The following ELMO1 variants were observed in gnomAD, a reference collection of about 807,000 sequenced individuals.
The protein encoded by ELMO1 is engulfment and cell motility 1, also known as engulfment and cell motility protein 1.
ELMO1 carries 26 observed loss-of-function variants against 98.9 expected under a neutral mutation model. The ratio of observed to expected loss-of-function variants is 0.26; its 90% CI spans 0.19 to 0.36. The LOEUF is 0.36. Among genes scored for constraint, ELMO1 ranks in the 10% least tolerant of loss-of-function variants. The pLI is 1.00. For missense variants in ELMO1, 627 were observed against 935.2 expected, an observed-to-expected ratio of 0.67 and a Z score of 4.30; for synonymous variants, 346 against 346.0, an observed-to-expected ratio of 1.00 and a Z score of 0.00.
intron 16 of ELMO1, among the ~76,000 whole-genome samples, chr7:36,924,866 G>C: frequency 6.6e-6 from 1 of 152,148 alleles, no homozygotes; most frequent in African/African-American, 2.4e-5. Flanking sequence ...CTTTGGGAAA[G>C]GTTGTGTTTT....
At chr7:36,856,978 C>A (rs750516834) in intron 21 of ELMO1, among the ~76,000 whole-genome samples, 1 of 152,292 alleles carries the variant, frequency 6.6e-6, no homozygotes, top group South Asian at 2.1e-4. Flanking sequence ...CAGATCTCAA[C>A]GTAAAAGTAA....
At chr7:37,216,761 A>G in intron 10 of ELMO1, 66 bp from the exon 11 acceptor site, 1 of 1,577,564 alleles carries the variant, frequency 6.3e-7, no homozygotes, top group Non-Finnish European at 8.7e-7. Context: ...CATGGCCAAA[A>G]ATGACCTTAT....
At chr7:37,029,910 C>T (rs1584537765) in intron 15 of ELMO1, among the ~76,000 whole-genome samples, 1 of 152,190 alleles carries the variant, frequency 6.6e-6, no homozygotes. Flanking sequence ...ATTCGTAATA[C>T]TCGATGTCTG....
At chr7:36,878,217 T>C in intron 18 of ELMO1, 100 bp from the exon 19 acceptor site, 2 of 853,142 alleles carry the variant, frequency 2.3e-6, no homozygotes, top group Middle Eastern at 2.5e-4. Context: ...AAACAAGCAG[T>C]TCATTTGATT....
chr7:37,120,839 C>T (rs1185957904), intron 14 of ELMO1, among the ~76,000 whole-genome samples: 1 of 152,204 alleles, frequency 6.6e-6, no homozygotes, highest in Non-Finnish European at 1.5e-5. Context: ...CAAGTGGGTC[C>T]CTGACCCCTA....
At chr7:37,049,552 A>T (rs1317151568) in intron 15 of ELMO1, among the ~76,000 whole-genome samples, 1 of 151,936 alleles carries the variant, frequency 6.6e-6, no homozygotes, top group African/African-American at 2.4e-5. Context: ...TCTCTCTAGG[A>T]CAACTAGATA....
intron 8 of ELMO1, among the ~76,000 whole-genome samples, chr7:37,227,155 A>T (rs1793915991): frequency 1.3e-5 from 2 of 152,208 alleles, no homozygotes. Context: ...TCCCTGTGAT[A>T]CATCTGACAT....
intron 20 of ELMO1, among the ~76,000 whole-genome samples, chr7:36,868,933 G>A (rs879696125): frequency 8.5e-5 from 13 of 152,254 alleles, no homozygotes; most frequent in African/African-American, 2.4e-4. Flanking sequence ...AGCAGAGCCC[G>A]TGCTCTCCGA....
At chr7:37,338,684 T>C (rs1043963030) in intron 2 of ELMO1, among the ~76,000 whole-genome samples, 5 of 152,096 alleles carry the variant, frequency 3.3e-5, no homozygotes, top group African/African-American at 7.2e-5. Context: ...CAGGACATAA[T>C]AGGTTAACAA....
At chr7:37,163,547 T>TG (rs70980921) in intron 13 of ELMO1, among the ~76,000 whole-genome samples, 144,101 of 151,130 alleles carry the variant, frequency 0.95, 69,036 homozygotes, top group Non-Finnish European at 1. Context: ...CCTGTGTCCA[T>TG]TGATCTCATT....
intron 1 of ELMO1, among the ~76,000 whole-genome samples, chr7:37,358,587 G>T (rs1485796111): frequency 6.6e-6 from 1 of 152,168 alleles, no homozygotes; most frequent in Non-Finnish European, 1.5e-5. Context: ...GTGTGAATTT[G>T]ATGAGAAAGG....
intron 16 of ELMO1, among the ~76,000 whole-genome samples, chr7:36,962,307 A>G (rs1481998658): frequency 6.6e-6 from 1 of 152,244 alleles, no homozygotes; most frequent in African/African-American, 2.4e-5. Flanking sequence ...CAGTATGTCC[A>G]GCTGAGGAGT....
intron 16 of ELMO1, among the ~76,000 whole-genome samples, chr7:36,952,470 C>A (rs1039672059): frequency 1.3e-5 from 2 of 152,150 alleles, no homozygotes; most frequent in Non-Finnish European, 2.9e-5. Context: ...TCCAGCTGTG[C>A]AGCTTTAAGT....
intron 1 of ELMO1, among the ~76,000 whole-genome samples, chr7:37,366,094 C>T (rs1334786531): frequency 6.6e-6 from 1 of 152,124 alleles, no homozygotes; most frequent in Non-Finnish European, 1.5e-5. Context: ...TAAAATCACA[C>T]CATATTCAAA....
At chr7:37,251,317 C>G (rs965253765) in intron 6 of ELMO1, among the ~76,000 whole-genome samples, 2 of 152,242 alleles carry the variant, frequency 1.3e-5, no homozygotes, top group Admixed American at 6.5e-5. Flanking sequence ...TTTGCTTTCA[C>G]TCCTATGTTT....
intron 1 of ELMO1, among the ~76,000 whole-genome samples, chr7:37,430,750 T>C (rs1562687759): frequency 6.6e-6 from 1 of 152,246 alleles, no homozygotes; most frequent in Non-Finnish European, 1.5e-5. Flanking sequence ...TGCTGTTTGT[T>C]GATTACATTT....
At chr7:37,022,019 T>A (rs1006600332) in intron 15 of ELMO1, among the ~76,000 whole-genome samples, 1 of 152,146 alleles carries the variant, frequency 6.6e-6, no homozygotes, top group African/African-American at 2.4e-5. Context: ...GGAAAGGAAT[T>A]TCAATTGGTT....
At chr7:37,263,989 C>T (rs1477334734) in intron 5 of ELMO1, among the ~76,000 whole-genome samples, 2 of 151,964 alleles carry the variant, frequency 1.3e-5, no homozygotes, top group East Asian at 1.9e-4. Flanking sequence ...TCGTGTTTAC[C>T]AATAGGACAA....
At chr7:37,192,985 A>C (rs1008116429) in intron 13 of ELMO1, among the ~76,000 whole-genome samples, 1 of 50,022 alleles carries the variant, frequency 2.0e-5, no homozygotes, top group African/African-American at 6.5e-5. Flanking sequence ...ATATATATAT[A>C]TATATATATA....
Sources: allele counts gnomAD v4.1 joint callset (sites outside exome capture counted in the v4.1 genomes callset), GRCh38; gene constraint gnomAD v4.1.1; transcripts MANE v1.5; gene names NCBI Gene and HGNC (gene_info 2026-07-23, HGNC 2026-07-21).